XNDC1N: variants seen among roughly 807,000 people sequenced by gnomAD.
The protein encoded by XNDC1N is XRCC1 N-terminal domain containing 1, N-terminal like, also known as protein XNDC1N.
chr11:71,923,564 T>TG, the XNDC1N span: 39 of 566,988 alleles, frequency 6.9e-5, 1 homozygote, highest in Admixed American at 1.2e-4. Context: ...TGTTTTGTTT[T>TG]TTTTTTTTTG....
At chr11:71,899,305 G>T in the XNDC1N span, among the ~76,000 whole-genome samples, 9 of 152,124 alleles carry the variant, frequency 5.9e-5, no homozygotes, top group Non-Finnish European at 1.2e-4. Context: ...GCACCACACA[G>T]GGAGGACAGT....
At chr11:71,904,107 C>A in the XNDC1N span, 3 of 510,370 alleles carry the variant, frequency 5.9e-6, no homozygotes, top group South Asian at 4.2e-5. Flanking sequence ...GGCGGCCGCA[C>A]AGCAGCGCAG....
chr11:71,889,937 G>A, the XNDC1N span, among the ~76,000 whole-genome samples: 3 of 152,104 alleles, frequency 2.0e-5, no homozygotes, highest in Admixed American at 2.0e-4. Flanking sequence ...CCTAGATTTC[G>A]ACGGCCTTTA....
At chr11:71,879,530 T>G in the XNDC1N span, among the ~76,000 whole-genome samples, 1 of 152,126 alleles carries the variant, frequency 6.6e-6, no homozygotes, top group African/African-American at 2.4e-5. Flanking sequence ...ATATAATACT[T>G]CATGATTCAA....
chr11:71,906,779 CA>C, the XNDC1N span, among the ~76,000 whole-genome samples: 18 of 152,046 alleles, frequency 1.2e-4, no homozygotes, highest in Admixed American at 5.2e-4. Flanking sequence ...AGTCACATCC[CA>C]AAAAACTATA....
At chr11:71,903,633 G>A in the XNDC1N span, 41 of 512,168 alleles carry the variant, frequency 8.0e-5, 1 homozygote, top group East Asian at 1.0e-3. Flanking sequence ...TAGATTTGTT[G>A]TCCTTGTTTT....
the XNDC1N span, among the ~76,000 whole-genome samples, chr11:71,867,168 C>CA: frequency 0.015 from 2,321 of 150,998 alleles, 60 homozygotes; most frequent in African/African-American, 0.046. Context: ...AGTTTAATAA[C>CA]AAAAAAAATT....
the XNDC1N span, among the ~76,000 whole-genome samples, chr11:71,887,678 G>A: frequency 6.6e-6 from 1 of 152,138 alleles, no homozygotes; most frequent in Non-Finnish European, 1.5e-5. Context: ...TGGAATTATT[G>A]TTCCTTGTCG....
At chr11:71,866,524 G>A in the XNDC1N span, among the ~76,000 whole-genome samples, 1 of 152,216 alleles carries the variant, frequency 6.6e-6, no homozygotes. Context: ...GCTCACACCT[G>A]TAATCCCAAC....
At chr11:71,900,826 G>A in the XNDC1N span, among the ~76,000 whole-genome samples, 1 of 152,168 alleles carries the variant, frequency 6.6e-6, no homozygotes, top group Non-Finnish European at 1.5e-5. Context: ...TGATTTTACA[G>A]ACTAGAAAAG....
At chr11:71,881,894 A>AT in the XNDC1N span, among the ~76,000 whole-genome samples, 19 of 152,184 alleles carry the variant, frequency 1.2e-4, no homozygotes, top group African/African-American at 3.9e-4. Context: ...TATATGTGTA[A>AT]TGAAGTATCA....
At chr11:71,882,957 C>T in the XNDC1N span, among the ~76,000 whole-genome samples, 2 of 152,054 alleles carry the variant, frequency 1.3e-5, no homozygotes, top group Non-Finnish European at 2.9e-5. Flanking sequence ...GCACTAACAG[C>T]AAGCAACTGG....
At chr11:71,922,556 G>A in the XNDC1N span, among the ~76,000 whole-genome samples, 637 of 152,266 alleles carry the variant, frequency 4.2e-3, 2 homozygotes, top group African/African-American at 0.015. Context: ...TCCTGCCTTG[G>A]GCTCCCAAAG....
At chr11:71,913,662 A>G in the XNDC1N span, among the ~76,000 whole-genome samples, 2 of 73,084 alleles carry the variant, frequency 2.7e-5, no homozygotes, top group East Asian at 6.2e-4. Context: ...CCGTCTCAAA[A>G]GATAAAAAAA....
At chr11:71,884,466 T>A in the XNDC1N span, 66 of 1,610,128 alleles carry the variant, frequency 4.1e-5, no homozygotes, top group Non-Finnish European at 5.3e-5. Flanking sequence ...CAGACTGAAG[T>A]GCAATGCTGA....
the XNDC1N span, among the ~76,000 whole-genome samples, chr11:71,920,560 C>T: frequency 6.6e-6 from 1 of 151,944 alleles, no homozygotes; most frequent in African/African-American, 2.4e-5. Context: ...CCACCTCGGC[C>T]TCCCAAAGTG....
the XNDC1N span, among the ~76,000 whole-genome samples, chr11:71,889,652 C>T: frequency 2.0e-5 from 3 of 152,188 alleles, no homozygotes; most frequent in Non-Finnish European, 2.9e-5. Flanking sequence ...TTCTACATCT[C>T]GCCTTTGTCT....
the XNDC1N span, among the ~76,000 whole-genome samples, chr11:71,909,732 T>TTG: frequency 1.1e-4 from 17 of 152,306 alleles, no homozygotes; most frequent in Admixed American, 3.9e-4. Context: ...TCTGCTTGTC[T>TTG]CAGACTTGTA....
the XNDC1N span, among the ~76,000 whole-genome samples, chr11:71,866,019 C>G: frequency 6.6e-6 from 1 of 152,142 alleles, no homozygotes; most frequent in Non-Finnish European, 1.5e-5. Flanking sequence ...CAAGTAGAGA[C>G]TTTGCCTGTA....
Sources: gnomAD v4.1 joint callset for allele counts (sites outside exome capture counted in the v4.1 genomes callset) on GRCh38, gnomAD v4.1.1 for gene constraint, MANE v1.5 for transcripts, NCBI Gene and HGNC (gene_info 2026-07-23, HGNC 2026-07-21) for gene names.